ESRRG: variants seen among roughly 807,000 people sequenced by gnomAD.
ESRRG encodes estrogen related receptor gamma.
A neutral mutation model predicts 44.0 loss-of-function variants in ESRRG; 13 were observed. That is an observed-to-expected ratio of 0.30 (90% CI 0.19 to 0.47). The LOEUF (loss-of-function observed/expected upper bound fraction) is 0.47, where lower values mean the gene tolerates loss of function less well. ESRRG is among the 20% of genes least tolerant of loss of function. ESRRG has a pLI of 1.00. For missense variants in ESRRG, 395 were observed against 580.6 expected (o/e 0.68, Z 3.29); for synonymous variants, 215 against 214.6 (o/e 1.00, Z -0.02).
chr1:216,779,184 A>T (rs1244753957), intron 2 of ESRRG, among the ~76,000 whole-genome samples: 1 of 82,128 alleles, frequency 1.2e-5, no homozygotes, highest in African/African-American at 4.5e-5. Flanking sequence ...TAATTATATA[A>T]ATATATATTT....
chr1:216,626,570 C>T (rs555055298), intron 3 of ESRRG, among the ~76,000 whole-genome samples: 2 of 152,210 alleles, frequency 1.3e-5, no homozygotes, highest in Non-Finnish European at 2.9e-5. Context: ...ATCTTGGGTG[C>T]CCTGGGGCAG....
chr1:216,945,799 C>T (rs1001295645), intron 1 of ESRRG, among the ~76,000 whole-genome samples: 1 of 152,200 alleles, frequency 6.6e-6, no homozygotes, highest in African/African-American at 2.4e-5. Flanking sequence ...TGCTGTATTT[C>T]AGTCCAGTGA....
intron 3 of ESRRG, among the ~76,000 whole-genome samples, chr1:216,625,216 A>G (rs1473457621): frequency 6.6e-6 from 1 of 152,036 alleles, no homozygotes; most frequent in Non-Finnish European, 1.5e-5. Context: ...TAACAATAAT[A>G]ATAGCTTTGT....
intron 5 of ESRRG, among the ~76,000 whole-genome samples, chr1:216,558,271 T>C (rs552565572): frequency 1.2e-4 from 18 of 152,216 alleles, no homozygotes; most frequent in Non-Finnish European, 2.1e-4. Context: ...TACTGGTTCC[T>C]ATTTCGATGC....
chr1:216,805,930 A>C (rs1473321509), intron 2 of ESRRG, among the ~76,000 whole-genome samples: 1 of 152,176 alleles, frequency 6.6e-6, no homozygotes, highest in South Asian at 2.1e-4. Context: ...GAAGGCTGTT[A>C]TAACTCCCTC....
chr1:217,107,438 TTCTAGTTATG>T lies in ESRRG; in HGVS notation c.-230+30219_-230+30228del, dbSNP rs143103382. On this transcript the variant is annotated intron_variant, in intron 1 of 8. Transcript: ENST00000366940. ...CTTCCCTGATAGAGTCCTGTGTGAT[TTCTAGTTATG>T]TCTTTTTACTTGGAAGCTAAAACTT... is the stretch of plus-strand genomic sequence containing the variant. Among the ~76,000 whole-genome samples the T allele has an allele frequency of 3.4e-3, 511 of 152,356 alleles. 6 individuals carry two copies. The highest frequency in any genetic ancestry group is 0.012 in the African/African-American group (482 of 41,578).
intron 1 of ESRRG, among the ~76,000 whole-genome samples, chr1:216,701,147 G>A (rs1400005765): frequency 2.0e-5 from 3 of 151,910 alleles, no homozygotes; most frequent in African/African-American, 7.3e-5. Context: ...GGGGGGGTAT[G>A]AAATATTTAT....
chr1:216,735,979 C>CAAAAAAAA (rs5780916), intron 2 of ESRRG, among the ~76,000 whole-genome samples: 13,988 of 113,924 alleles, frequency 0.12, 1,526 homozygotes, highest in East Asian at 0.39. Context: ...CTCCCCATCT[C>CAAAAAAAA]AAAAAAAAAT....
chr1:216,518,853 T>C (rs2148908266), intron 6 of ESRRG, among the ~76,000 whole-genome samples: 1 of 152,346 alleles, frequency 6.6e-6, no homozygotes, highest in Non-Finnish European at 1.5e-5. Flanking sequence ...AATTTTGTCC[T>C]GGGAGTGTCC....
intron 1 of ESRRG, among the ~76,000 whole-genome samples, chr1:217,109,502 A>G (rs944605766): frequency 1.3e-5 from 2 of 152,190 alleles, no homozygotes; most frequent in Admixed American, 6.5e-5. Flanking sequence ...TAAATGAAGC[A>G]CCCAGTAGTT....
intron 3 of ESRRG, among the ~76,000 whole-genome samples, chr1:216,569,807 G>A (rs2060453321): frequency 6.6e-6 from 1 of 152,144 alleles, no homozygotes; most frequent in South Asian, 2.1e-4. Flanking sequence ...AGCATCATCA[G>A]TATTACTATT....
rs11572805 is a variant in ESRRG at position 216,529,584 on chromosome 1, G to C, written c.863-10163C>G. 2.7e-3 allele frequency among the ~76,000 whole-genome samples: 388 copies of C among 145,020 alleles called. 1 individual carries two copies. The highest frequency in any genetic ancestry group is 0.017 in the Middle Eastern group (5 of 286). On this transcript the variant is annotated intron_variant, in intron 5 of 6. Transcript: ENST00000408911. ...TAAAGCTGTCGAAGAGGCAATCCCA[G>C]CTGTAATTTTTGGTTAACTTTTTTC...
intron 2 of ESRRG, among the ~76,000 whole-genome samples, chr1:216,880,304 CAAAAAA>C (rs11301281): frequency 0.015 from 423 of 29,006 alleles, 2 homozygotes; most frequent in South Asian, 0.11. Flanking sequence ...GCCTCCCTCT[CAAAAAA>C]AAAAAAAAAA....
intron 2 of ESRRG, among the ~76,000 whole-genome samples, chr1:216,758,074 T>A (rs575423618): frequency 7.9e-5 from 12 of 152,122 alleles, no homozygotes; most frequent in East Asian, 1.9e-4. Context: ...AATATAAATA[T>A]AAAAGCAAGC....
intron 2 of ESRRG, among the ~76,000 whole-genome samples, chr1:216,856,551 T>G (rs562630592): frequency 6.6e-6 from 1 of 152,302 alleles, no homozygotes; most frequent in East Asian, 1.9e-4. Context: ...ATCCACTCCT[T>G]ATTGAAAGTG....
At chr1:216,736,990 C>T (rs946780153) in intron 2 of ESRRG, among the ~76,000 whole-genome samples, 1 of 152,166 alleles carries the variant, frequency 6.6e-6, no homozygotes, top group East Asian at 1.9e-4. Flanking sequence ...CCACCCCCAG[C>T]CCCTACGTTT....
chr1:216,911,799 G>A (rs2060332534), intron 2 of ESRRG, among the ~76,000 whole-genome samples: 3 of 152,086 alleles, frequency 2.0e-5, no homozygotes, highest in Admixed American at 2.0e-4. Flanking sequence ...GCTGGGTGTG[G>A]CGGCATATGC....
intron 1 of ESRRG, among the ~76,000 whole-genome samples, chr1:216,995,018 C>G (rs17044843): frequency 6.6e-6 from 1 of 152,158 alleles, no homozygotes; most frequent in Non-Finnish European, 1.5e-5. Context: ...AGATGGCATT[C>G]GTCTTCAGGG....
At chr1:216,898,794 C>A (rs75502640) in intron 2 of ESRRG, among the ~76,000 whole-genome samples, 305 of 152,258 alleles carry the variant, frequency 2.0e-3, no homozygotes, top group African/African-American at 7.0e-3. Flanking sequence ...TAGGTCACTG[C>A]ACCACAGCTA....
Sources: allele counts gnomAD v4.1 joint callset (sites outside exome capture counted in the v4.1 genomes callset), GRCh38; gene constraint gnomAD v4.1.1; transcripts MANE v1.5; gene names NCBI Gene and HGNC (gene_info 2026-07-23, HGNC 2026-07-21).